ITPRID1: variants seen among roughly 807,000 people sequenced by gnomAD.
The protein encoded by ITPRID1 is ITPR interacting domain containing 1, also known as protein ITPRID1.
In ITPRID1, 96 loss-of-function variants were observed where a neutral mutation model predicts 95.4. The observed-to-expected ratio is 1.01, with a 90% CI of 0.85 to 1.19. The LOEUF (loss-of-function observed/expected upper bound fraction) is 1.19, where lower values mean the gene tolerates loss of function less well. Ranked by LOEUF, ITPRID1 falls within the 50% of genes most tolerant of loss-of-function variation. The pLI is 0.00. For synonymous variants in ITPRID1, 510 were observed against 453.6 expected, an observed-to-expected ratio of 1.12 and a Z score of -1.58; for missense variants, 1,339 against 1,252.9, an observed-to-expected ratio of 1.07 and a Z score of -1.04.
chr7:31,658,366 A>G, downstream of ITPRID1: 3 of 1,518,514 alleles, frequency 2.0e-6, no homozygotes, highest in Non-Finnish European at 2.6e-6. Flanking sequence ...AGACTTTCTG[A>G]AGACACAAGA....
rs1378162425 is a variant in ITPRID1 at position 31,578,274 on chromosome 7, G to A, written c.1010G>A (p.Trp337Ter). The A allele has an allele frequency of 1.2e-6, 2 of 1,613,868 alleles. No homozygotes were observed. The highest frequency in any genetic ancestry group is 3.3e-5 in the Admixed American group (2 of 60,000). ...YPPHGLLSKQ[W>*]PCSSMPAKQA... ...CCTCATGGTCTTCTGAGCAAGCAGT[G>A]GCCTTGCTCATCTATGCCGGCCAAG... is the stretch of plus-strand genomic sequence containing the variant. Residue 337 changes from tryptophan to a stop codon, truncating the protein, a stop_gained, in exon 9 of 15, where the codon TGG (tryptophan) becomes TAG (stop). Transcript: ENST00000615280. LOFTEE classifies it high-confidence loss of function.
chr7:31,619,718 C>T (rs536113526), intron 10 of ITPRID1, among the ~76,000 whole-genome samples: 1 of 152,194 alleles, frequency 6.6e-6, no homozygotes, highest in East Asian at 2.0e-4. Context: ...ATCTGAGGTA[C>T]CAGTTCCATC....
intron 1 of ITPRID1, among the ~76,000 whole-genome samples, chr7:31,547,931 T>G (rs371427409): frequency 5.3e-5 from 8 of 152,046 alleles, no homozygotes; most frequent in African/African-American, 1.9e-4. Context: ...AATGAGAATT[T>G]GGGAATCATC....
intron 10 of ITPRID1, among the ~76,000 whole-genome samples, chr7:31,621,714 C>G (rs1173096216): frequency 2.1e-5 from 3 of 144,376 alleles, no homozygotes; most frequent in Non-Finnish European, 4.6e-5. Context: ...AGCAAAATAA[C>G]CAGCTAACAT....
At chr7:31,647,637 G>A (rs1790588833) in intron 12 of ITPRID1, among the ~76,000 whole-genome samples, 1 of 134,018 alleles carries the variant, frequency 7.5e-6, no homozygotes, top group Non-Finnish European at 1.5e-5. Flanking sequence ...TCATGCCACT[G>A]CACTCCAGCC....
At chr7:31,550,116 A>C (rs73085428) in intron 2 of ITPRID1, among the ~76,000 whole-genome samples, 2,016 of 150,208 alleles carry the variant, frequency 0.013, 18 homozygotes, top group Non-Finnish European at 0.02. Flanking sequence ...ACATTTTGGT[A>C]CCTTTTTTTT....
intron 2 of ITPRID1, among the ~76,000 whole-genome samples, chr7:31,550,411 GT>G: frequency 6.6e-6 from 1 of 152,174 alleles, no homozygotes; most frequent in South Asian, 2.1e-4. Context: ...CAAGAACTAG[GT>G]TCGAAATGGT....
In ITPRID1 at chr7:31,556,482, G is replaced by C. The variant is rs116480180; in HGVS notation, c.256+1581G>C. Reference sequence around the variant, plus strand: ...CATGATTGTTGGTCACAGCTGGTTAGAGGCAGGTGGAGGAATGGAGGCCTG... The same window carrying C: ...CATGATTGTTGGTCACAGCTGGTTACAGGCAGGTGGAGGAATGGAGGCCTG... On this transcript the variant is annotated intron_variant, in intron 5 of 14. Transcript: ENST00000615280. Among the ~76,000 whole-genome samples, 1,384 of 152,194 alleles carry C rather than the reference G, an allele frequency of 9.1e-3. 23 individuals carry two copies. The highest frequency in any genetic ancestry group is 0.029 in the African/African-American group (1,211 of 41,534).
At chr7:31,578,630 C>T (rs1785286113) in intron 9 of ITPRID1, among the ~76,000 whole-genome samples, 196 bp downstream of exon 9, 1 of 152,212 alleles carries the variant, frequency 6.6e-6, no homozygotes, top group Admixed American at 6.5e-5. Flanking sequence ...CCAGCCTCTG[C>T]TTGCTCCAGT....
chr7:31,646,136 G>A (rs539337101), intron 12 of ITPRID1, among the ~76,000 whole-genome samples: 2 of 152,266 alleles, frequency 1.3e-5, no homozygotes, highest in South Asian at 4.2e-4. Flanking sequence ...AAGATTTTAA[G>A]TCATATTTAG....
At chr7:31,576,326 T>C (rs946021667) in intron 8 of ITPRID1, among the ~76,000 whole-genome samples, 1 of 152,196 alleles carries the variant, frequency 6.6e-6, no homozygotes, top group African/African-American at 2.4e-5. Context: ...AGTCCATTGT[T>C]CAATCTACCC....
At chr7:31,610,586 C>G (rs1786821025) in intron 10 of ITPRID1, among the ~76,000 whole-genome samples, 1 of 151,564 alleles carries the variant, frequency 6.6e-6, no homozygotes. Flanking sequence ...ATCTGTTTTT[C>G]TCTGCATTTC....
chr7:31,648,945 A>G (rs909841462), intron 12 of ITPRID1, among the ~76,000 whole-genome samples: 5 of 152,242 alleles, frequency 3.3e-5, no homozygotes, highest in African/African-American at 1.2e-4. Flanking sequence ...ACACGTATCT[A>G]TAACAGATGC....
intron 2 of ITPRID1, among the ~76,000 whole-genome samples, chr7:31,551,665 C>T (rs959583813): frequency 4.2e-5 from 6 of 143,264 alleles, no homozygotes; most frequent in African/African-American, 1.5e-4. Context: ...ATATAAAGCA[C>T]GTAAGAAAAT....
chr7:31,597,461 C>A (rs1786135053), intron 10 of ITPRID1, among the ~76,000 whole-genome samples: 1 of 150,144 alleles, frequency 6.7e-6, no homozygotes. Context: ...CATGCATCAG[C>A]AATAACCAAC....
rs773562584 is a variant in ITPRID1 at position 31,643,771 on chromosome 7, A to T, written c.2401A>T (p.Ile801Leu). ...CTGCCCAATGGGCACCTGCCATGCT[A>T]TACCTGCCCACTGCTGCATCTGCTG... ...SICPMGTCHA[I>L]PAHCCICCHH... Residue 801 changes from isoleucine (I) to leucine (L), a missense_variant, in exon 12 of 15, where the codon ATA becomes TTA. By Grantham distance (5) the Ile-to-Leu change is conservative (BLOSUM62 2). Coordinates refer to ENST00000615280, the MANE Select transcript of ITPRID1 (RefSeq NM_001257967.3). 9 of 1,613,868 alleles carry T rather than the reference A, an allele frequency of 5.6e-6. No homozygotes were observed. The Admixed American group carries it at 1.2e-4, about 21-fold the overall frequency.
intron 1 of ITPRID1, among the ~76,000 whole-genome samples, chr7:31,546,913 A>T (rs981763232): frequency 1.3e-5 from 2 of 152,158 alleles, no homozygotes; most frequent in African/African-American, 4.8e-5. Context: ...TGAGGTATAG[A>T]TCACTCAAAA....
chr7:31,561,009 G>C (rs1784604799), intron 5 of ITPRID1, among the ~76,000 whole-genome samples: 2 of 151,990 alleles, frequency 1.3e-5, no homozygotes, highest in Admixed American at 6.6e-5. Context: ...AAAGAGAAGA[G>C]TCTGAAGGCA....
chr7:31,543,472 A>G (rs1448217807), intron 1 of ITPRID1, among the ~76,000 whole-genome samples: 1 of 151,380 alleles, frequency 6.6e-6, no homozygotes, highest in South Asian at 2.1e-4. Flanking sequence ...GATTTTTACC[A>G]TTCTAATAGG....
Sources: allele counts gnomAD v4.1 joint callset (sites outside exome capture counted in the v4.1 genomes callset), GRCh38; gene constraint gnomAD v4.1.1; transcripts MANE v1.5; gene names NCBI Gene and HGNC (gene_info 2026-07-23, HGNC 2026-07-21).